Variants in CUEDC2 observed in about 807,000 individuals in gnomAD.
The protein encoded by CUEDC2 is CUE domain containing 2.
In CUEDC2, 10 loss-of-function variants were observed where a neutral mutation model predicts 36.0. The observed-to-expected ratio is 0.28, with a 90% CI of 0.17 to 0.47. CUEDC2 has a LOEUF of 0.47. Ranked by LOEUF, CUEDC2 falls within the 20% of genes least tolerant of loss-of-function variation. The pLI, the probability that CUEDC2 is intolerant of heterozygous loss-of-function variation, is 0.99. For synonymous variants in CUEDC2, 133 were observed against 141.8 expected (o/e 0.94, Z 0.44); for missense variants, 269 against 368.1 (o/e 0.73, Z 2.20).
chr10:102,426,163 G>C (rs1254799196), intron 1 of CUEDC2, among the ~76,000 whole-genome samples: 2 of 152,212 alleles, frequency 1.3e-5, no homozygotes, highest in Non-Finnish European at 2.9e-5. Context: ...TCTTATTCAT[G>C]AGTGTAACCC....
At position 102,424,402 on chromosome 10, in the gene CUEDC2, A is replaced by C. The variant is rs746408201; in HGVS notation, c.281-8T>G. The C allele has an allele frequency of 6.8e-6, 11 of 1,613,732 alleles. No homozygotes were observed. Among genetic ancestry groups the C allele is most frequent in the Non-Finnish European group, 9.3e-6 (11 of 1,179,696 alleles). ...TCTGCGGTTGCAGGTTCTCTTAAAG[A>C]GGCAAAGAGAGCATCAGGTTTGCCA... On this transcript the variant is annotated splice_region_variant and splice_polypyrimidine_tract_variant and intron_variant, in intron 4 of 8. Coordinates refer to ENST00000369937, the MANE Select transcript of CUEDC2 (RefSeq NM_024040.3). This position sits in a 1 kb window ranked among gnomAD's most constrained non-coding sequence, Gnocchi z 4.2.
rs748872838 is a variant in CUEDC2, at chr10:102,424,816, C to G, written c.75-24G>C. On this transcript the variant is annotated intron_variant, in intron 2 of 8. Coordinates refer to ENST00000369937, the MANE Select transcript of CUEDC2 (RefSeq NM_024040.3). The surrounding 1 kb of genome is among the most constrained non-coding windows in gnomAD (Gnocchi z 4.2). ...CACTGCAGGAAGGGAACAGGACAAG[C>G]CCTGGGTAGGACACTGGATGCCTCC... The G allele has an allele frequency of 8.7e-6, 14 of 1,609,836 alleles. No individual in the cohort carries two copies. Among genetic ancestry groups the G allele is most frequent in the Non-Finnish European group, 1.2e-5 (14 of 1,179,164 alleles).
Position 102,424,415 on chromosome 10 carries a change from A to G in CUEDC2, c.281-21T>C, listed in dbSNP as rs2061587892. On this transcript the variant is annotated intron_variant, in intron 4 of 8. Coordinates refer to ENST00000369937, the MANE Select transcript of CUEDC2 (RefSeq NM_024040.3). The surrounding 1 kb of genome is among the most constrained non-coding windows in gnomAD (Gnocchi z 4.2). ...GTTCTCTTAAAGAGGCAAAGAGAGC[A>G]TCAGGTTTGCCAAGGCTCTGGGGAG... The G allele has an allele frequency of 1.2e-6, 2 of 1,613,760 alleles. No homozygotes were observed. The highest frequency in any genetic ancestry group is 1.7e-6 in the Non-Finnish European group (2 of 1,179,704).
chr10:102,430,773 C>G (rs972598501), intron 1 of CUEDC2, among the ~76,000 whole-genome samples: 8 of 152,182 alleles, frequency 5.3e-5, no homozygotes, highest in Non-Finnish European at 1.0e-4. Flanking sequence ...CCCCGCATAG[C>G]CCCTGAGTTG....
chr10:102,424,637 G>C lies in CUEDC2; in HGVS notation c.218+12C>G. On this transcript the variant is annotated intron_variant, in intron 3 of 8. Transcript: ENST00000369937. The surrounding 1 kb of genome is among the most constrained non-coding windows in gnomAD (Gnocchi z 4.2). ...CAGCCCCTTCCTCCTCCTGGCCCTA[G>C]CCAGAACCTACCTGGGGATGTGGGC... 1 of 1,614,186 alleles carries C rather than the reference G, an allele frequency of 6.2e-7. No homozygotes were observed. Among genetic ancestry groups the C allele is most frequent in the Non-Finnish European group, 8.5e-7 (1 of 1,180,006 alleles).
intron 1 of CUEDC2, among the ~76,000 whole-genome samples, chr10:102,427,587 A>G (rs1185172558): frequency 6.6e-6 from 1 of 151,778 alleles, no homozygotes. Context: ...CCCTCATCCA[A>G]TCAGTCGCCA....
At chr10:102,431,357 T>TC (rs2061616156) in intron 1 of CUEDC2, among the ~76,000 whole-genome samples, 1 of 152,220 alleles carries the variant, frequency 6.6e-6, no homozygotes, top group South Asian at 2.1e-4. Flanking sequence ...TTGGCCAGAC[T>TC]GGTCTCGAAC....
At chr10:102,429,021 CAAAAA>C (rs11352968) in intron 1 of CUEDC2, among the ~76,000 whole-genome samples, 2 of 102,156 alleles carry the variant, frequency 2.0e-5, no homozygotes, top group Non-Finnish European at 2.0e-5. Context: ...GACTTTGTCT[CAAAAA>C]AAAAAAAAAA....
intron 1 of CUEDC2, among the ~76,000 whole-genome samples, chr10:102,428,558 T>C (rs1337885673): frequency 6.6e-6 from 1 of 152,224 alleles, no homozygotes; most frequent in Non-Finnish European, 1.5e-5. Flanking sequence ...CTTCACTTAC[T>C]GTCACTCTGA....
intron 1 of CUEDC2, among the ~76,000 whole-genome samples, chr10:102,427,942 G>GTTTGT (rs2061603852): frequency 1.3e-5 from 2 of 151,180 alleles, no homozygotes; most frequent in South Asian, 2.1e-4. Flanking sequence ...TTGTTTGTTT[G>GTTTGT]TTTGTTTTGT....
At chr10:102,429,173 AC>A in intron 1 of CUEDC2, among the ~76,000 whole-genome samples, 1 of 152,294 alleles carries the variant, frequency 6.6e-6, no homozygotes, top group South Asian at 2.1e-4. Context: ...GACTAGCAGC[AC>A]CTTTCACAGC....
rs1277442923 is a variant in CUEDC2 at position 102,424,831 on chromosome 10, T to C, written c.75-39A>G. 1 of 1,603,030 alleles carries C rather than the reference T, an allele frequency of 6.2e-7. No individual in the cohort carries two copies. Among genetic ancestry groups the C allele is most frequent in the Non-Finnish European group, 8.5e-7 (1 of 1,176,232 alleles). ...ACAGGACAAGCCCTGGGTAGGACAC[T>C]GGATGCCTCCAGCACCCCCACCTAT... On this transcript the variant is annotated intron_variant, in intron 2 of 8. Coordinates refer to ENST00000369937, the MANE Select transcript of CUEDC2 (RefSeq NM_024040.3). The surrounding 1 kb of genome is among the most constrained non-coding windows in gnomAD (Gnocchi z 4.2).
intron 1 of CUEDC2, among the ~76,000 whole-genome samples, chr10:102,429,988 C>T (rs1417025449): frequency 4.6e-5 from 7 of 150,814 alleles, no homozygotes; most frequent in Non-Finnish European, 7.4e-5. Context: ...TTGGTAGAGA[C>T]GGGGTTTCAC....
chr10:102,430,397 G>A (rs1433887257), intron 1 of CUEDC2, among the ~76,000 whole-genome samples: 2 of 151,888 alleles, frequency 1.3e-5, no homozygotes, highest in South Asian at 2.1e-4. Context: ...TCGAACTCCC[G>A]ACCTCAGGTG....
intron 1 of CUEDC2, among the ~76,000 whole-genome samples, chr10:102,425,640 A>C (rs1230681414): frequency 6.7e-6 from 1 of 149,886 alleles, no homozygotes; most frequent in Non-Finnish European, 1.5e-5. Flanking sequence ...CCCTTCCCCC[A>C]CCCAGAACAG....
Position 102,424,323 on chromosome 10 carries a change from C to T in CUEDC2, c.352G>A (p.Glu118Lys), listed in dbSNP as rs773939359. ...PISPEPLQRP[E>K]MLKEETRSSA... ...GACCTAGTCTCTTCTTTGAGCATTT[C>T]GGGCCGCTGCAGGGGCTCTGGGGAG... Residue 118 changes from glutamate to lysine, a missense_variant, in exon 5 of 9, where the codon GAA (glutamate) becomes AAA (lysine). Glu to Lys is a moderately conservative substitution (Grantham distance 56). Transcript: ENST00000369937. The surrounding 1 kb of genome is among the most constrained non-coding windows in gnomAD (Gnocchi z 4.2). The T allele has an allele frequency of 7.4e-6, 12 of 1,614,030 alleles. No individual in the cohort carries two copies. The highest frequency in any genetic ancestry group is 1.6e-4 in the Middle Eastern group (1 of 6,084).
chr10:102,424,312 T>C lies in CUEDC2; in HGVS notation c.363A>G (p.Lys121=). 6.2e-7 allele frequency: 1 copy of C among 1,614,182 alleles called. No individual in the cohort carries two copies. The highest frequency in any genetic ancestry group is 8.5e-7 in the Non-Finnish European group (1 of 1,180,022). Residue 121 remains lysine, a synonymous_variant, in exon 5 of 9, where the codon AAA becomes AAG. Coordinates refer to ENST00000369937, the MANE Select transcript of CUEDC2 (RefSeq NM_024040.3). This position sits in a 1 kb window ranked among gnomAD's most constrained non-coding sequence, Gnocchi z 4.2. ...CAGCAGCCGAAGACCTAGTCTCTTC[T>C]TTGAGCATTTCGGGCCGCTGCAGGG... The part of the protein sequence containing the change: ...PEPLQRPEML[K]EETRSSAAAA...
At chr10:102,425,236 G>C in intron 1 of CUEDC2, 38 bp from the exon 2 acceptor site, 1 of 1,522,000 alleles carries the variant, frequency 6.6e-7, no homozygotes, top group South Asian at 1.1e-5. Flanking sequence ...GCCTTCTTCT[G>C]CCTGCCCCCA....
chr10:102,432,457 A>G (rs1249542700), intron 1 of CUEDC2, 69 bp downstream of exon 1: 2 of 152,068 alleles, frequency 1.3e-5, no homozygotes, highest in East Asian at 1.9e-4. Flanking sequence ...AACACATCGG[A>G]CGGGTACCCT....
Sources: gnomAD v4.1 joint callset for allele counts (sites outside exome capture counted in the v4.1 genomes callset) on GRCh38, gnomAD v4.1.1 for gene constraint, Gnocchi (gnomAD v3.1) non-coding constraint, MANE v1.5 for transcripts, NCBI Gene and HGNC (gene_info 2026-07-23, HGNC 2026-07-21) for gene names.